The following SCAMP2 variants were observed in gnomAD, a reference collection of about 807,000 sequenced individuals.
The protein encoded by SCAMP2 is secretory carrier-associated membrane protein 2.
In SCAMP2, 25 loss-of-function variants were observed where a neutral mutation model predicts 44.1. That is an observed-to-expected ratio of 0.57 (90% CI 0.41 to 0.79). The LOEUF is 0.79. Ranked by LOEUF, SCAMP2 falls within the 30% of genes least tolerant of loss-of-function variation. SCAMP2 has a pLI of 0.00. For synonymous variants in SCAMP2, 156 were observed against 166.0 expected, an observed-to-expected ratio of 0.94 and a Z score of 0.46; for missense variants, 355 against 411.0, an observed-to-expected ratio of 0.86 and a Z score of 1.18.
intron 1 of SCAMP2, among the ~76,000 whole-genome samples, chr15:74,868,954 G>A (rs564372417): frequency 1.4e-4 from 22 of 152,104 alleles, no homozygotes; most frequent in African/African-American, 5.1e-4. Flanking sequence ...TCTGGAGTTC[G>A]TGACCAGCCT....
chr15:74,866,043 GAGGAA>G (rs1379202690), intron 1 of SCAMP2, among the ~76,000 whole-genome samples: 2 of 126,990 alleles, frequency 1.6e-5, no homozygotes, highest in Admixed American at 8.3e-5. Context: ...GAGGGGAGGG[GAGGAA>G]AAGAAAAGAA....
At chr15:74,849,118 T>C (rs969853801) in intron 6 of SCAMP2, among the ~76,000 whole-genome samples, 1 of 152,108 alleles carries the variant, frequency 6.6e-6, no homozygotes, top group Non-Finnish European at 1.5e-5. Flanking sequence ...TTGCGTTTCA[T>C]AACAGGCAAG....
In SCAMP2 at chr15:74,851,404, T is replaced by C. The variant is rs367777854; in HGVS notation, c.421A>G (p.Ile141Val). ...PCFYQDFSTE[I>V]PADYQRICKM... ...CATATCCGCTGGTAGTCGGCAGGGA[T>C]CTCTGTGGAGAAATCCTGATAGAAG... Residue 141 changes from isoleucine (I) to valine (V), a missense_variant, in exon 5 of 9, where the codon ATC (isoleucine) becomes GTC (valine). Physicochemically the swap from Ile to Val is conservative, Grantham distance 29. Coordinates refer to ENST00000268099, the MANE Select transcript of SCAMP2 (RefSeq NM_005697.5). The C allele has an allele frequency of 1.8e-5, 29 of 1,613,918 alleles. No homozygotes were observed. Among genetic ancestry groups the C allele is most frequent in the Non-Finnish European group, 7.6e-6 (9 of 1,179,958 alleles).
At chr15:74,870,626 G>C (rs1387647349) in intron 1 of SCAMP2, among the ~76,000 whole-genome samples, 2 of 152,146 alleles carry the variant, frequency 1.3e-5, no homozygotes, top group African/African-American at 4.8e-5. Flanking sequence ...TAAGAGACAA[G>C]GTCCTTGCAA....
chr15:74,873,053 A>C (rs1384401280), intron 1 of SCAMP2, 146 bp downstream of exon 1: 1 of 663,474 alleles, frequency 1.5e-6, no homozygotes, highest in Non-Finnish European at 2.3e-6. Flanking sequence ...ACGCGTTACG[A>C]TAGGCCAGAC....
intron 6 of SCAMP2, 91 bp downstream of exon 6, chr15:74,850,423 G>T: frequency 3.5e-6 from 4 of 1,129,612 alleles, no homozygotes; most frequent in Non-Finnish European, 5.2e-6. Flanking sequence ...TCTGCTCTAA[G>T]ACTCAGATGG....
intron 1 of SCAMP2, among the ~76,000 whole-genome samples, chr15:74,866,625 A>G (rs2064545922): frequency 6.6e-6 from 1 of 151,926 alleles, no homozygotes; most frequent in Non-Finnish European, 1.5e-5. Context: ...CTCTGTCTCA[A>G]AAAATAAATG....
intron 1 of SCAMP2, among the ~76,000 whole-genome samples, chr15:74,857,143 A>C (rs992527328): frequency 5.2e-4 from 79 of 152,292 alleles, no homozygotes; most frequent in African/African-American, 1.8e-3. Flanking sequence ...TGAATGTCTG[A>C]CTGCCTCCAG....
chr15:74,845,527 C>A lies in SCAMP2; in HGVS notation c.801G>T (p.Val267=), dbSNP rs10220747. 4,100 of 1,614,160 alleles carry A rather than the reference C, an allele frequency of 2.5e-3. 72 individuals are homozygous for A. The African/African-American group carries it at 0.042, about 16-fold the overall frequency. ...CACAGAGGGTGAAGAAGCCAGCCAC[C>A]ACCATCATGATGACTGATATGGCCA... ...HSLAISVIMM[V]VAGFFTLCAV... The change falls in exon 8 of 9, where the codon GTG becomes GTT. Residue 267 remains valine (V), a synonymous_variant. Coordinates refer to ENST00000268099, the MANE Select transcript of SCAMP2 (RefSeq NM_005697.5).
intron 1 of SCAMP2, among the ~76,000 whole-genome samples, chr15:74,861,418 A>G (rs2064502159): frequency 1.3e-5 from 2 of 152,144 alleles, no homozygotes; most frequent in African/African-American, 4.8e-5. Context: ...TCCTAAGAAA[A>G]TATCACAAAA....
intron 1 of SCAMP2, among the ~76,000 whole-genome samples, chr15:74,857,463 C>G (rs376845951): frequency 2.6e-5 from 4 of 152,310 alleles, no homozygotes; most frequent in Admixed American, 2.0e-4. Context: ...ACCTAGCCAC[C>G]GCTGAAGTCA....
intron 1 of SCAMP2, among the ~76,000 whole-genome samples, chr15:74,871,999 C>T (rs2064579016): frequency 6.6e-6 from 1 of 151,850 alleles, no homozygotes; most frequent in African/African-American, 2.4e-5. Context: ...GAGCCGAGAT[C>T]GCGCTACTGC....
intron 1 of SCAMP2, among the ~76,000 whole-genome samples, chr15:74,872,558 G>C (rs541207814): frequency 6.6e-6 from 1 of 152,182 alleles, no homozygotes; most frequent in East Asian, 1.9e-4. Context: ...CCTAACCCGG[G>C]CTCTCCTATC....
At chr15:74,854,692 C>T in intron 1 of SCAMP2, 43 bp from the exon 2 acceptor site, 1 of 1,555,246 alleles carries the variant, frequency 6.4e-7, no homozygotes, top group Non-Finnish European at 8.7e-7. Flanking sequence ...TGGAGAAAAT[C>T]CGGGCCAGGG....
In SCAMP2 at chr15:74,844,212, G is replaced by GGGGGAGGT; in HGVS notation, c.*870_*871insACCTCCCC. 6.9e-6 allele frequency: 1 copy of GGGGGAGGT among 145,456 alleles called. No individual in the cohort carries two copies. Among genetic ancestry groups the GGGGGAGGT allele is most frequent in the South Asian group, 2.4e-4 (1 of 4,242 alleles). 9.0% of individuals were successfully genotyped at this position (145,456 alleles called of 1,614,324 possible). On this transcript the variant is annotated 3_prime_UTR_variant, in exon 9 of 9. Transcript: ENST00000268099. ...GTCCCTCGGTTCGGGGAGGGGGGGG[G>GGGGGAGGT]GTAGTCACAGCAAACAGGGCCAAAC...
At chr15:74,855,534 T>C (rs941551866) in intron 1 of SCAMP2, among the ~76,000 whole-genome samples, 4 of 151,772 alleles carry the variant, frequency 2.6e-5, no homozygotes, top group Non-Finnish European at 5.9e-5. Flanking sequence ...CTGACCAACA[T>C]GGAGAAACCC....
intron 1 of SCAMP2, among the ~76,000 whole-genome samples, chr15:74,862,613 C>G (rs1251969680): frequency 6.6e-6 from 1 of 151,648 alleles, no homozygotes; most frequent in Non-Finnish European, 1.5e-5. Context: ...TTGCAAATGA[C>G]TGGTAGAAAT....
Position 74,856,261 on chromosome 15 carries a change from GTTC to G in SCAMP2, c.58-1615_58-1613del, listed in dbSNP as rs1378291584. Among the ~76,000 whole-genome samples the G allele has an allele frequency of 3.6e-3, 391 of 108,672 alleles. 4 individuals are homozygous for G. The highest frequency in any genetic ancestry group is 0.013 in the African/African-American group (370 of 28,868). The allele number at this position is 108,672 out of a possible 152,430, so 71.3% of individuals were successfully genotyped here. ...TCCACTGGAAGCCTCTGCAGAGCCA[GTTC>G]TTTTTTTTTTTTTTTTTTTTTTTTT... On this transcript the variant is annotated intron_variant, in intron 1 of 8. Coordinates refer to ENST00000268099, the MANE Select transcript of SCAMP2 (RefSeq NM_005697.5).
intron 1 of SCAMP2, among the ~76,000 whole-genome samples, chr15:74,855,391 C>G (rs1383820202): frequency 2.6e-5 from 4 of 152,104 alleles, no homozygotes; most frequent in Non-Finnish European, 5.9e-5. Context: ...CGTGAGCCAC[C>G]ATGCCTGGCC....
Sources: allele counts gnomAD v4.1 joint callset (sites outside exome capture counted in the v4.1 genomes callset), GRCh38; gene constraint gnomAD v4.1.1; transcripts MANE v1.5; gene names NCBI Gene and HGNC (gene_info 2026-07-23, HGNC 2026-07-21).